MBNL1: variants seen among roughly 807,000 people sequenced by gnomAD.
MBNL1 encodes the protein muscleblind-like protein 1.
A neutral mutation model predicts 42.2 loss-of-function variants in MBNL1; 8 were observed. That is an observed-to-expected ratio of 0.19 (90% confidence interval 0.11 to 0.34). The LOEUF (loss-of-function observed/expected upper bound fraction) is 0.34. MBNL1 is among the 10% of genes least tolerant of loss of function. The pLI, the probability that MBNL1 is intolerant of heterozygous loss-of-function variation, is 1.00. For synonymous variants in MBNL1, 169 were observed against 173.9 expected (o/e 0.97, Z 0.22); for missense variants, 309 against 495.3 (o/e 0.62, Z 3.57).
chr3:152,383,302 G>C (rs1007722253), intron 2 of MBNL1, among the ~76,000 whole-genome samples: 1 of 152,004 alleles, frequency 6.6e-6, no homozygotes, highest in Non-Finnish European at 1.5e-5. Flanking sequence ...CTATATTTGA[G>C]TTTTGAGGAT....
intron 1 of MBNL1, among the ~76,000 whole-genome samples, chr3:152,290,764 A>G (rs1013155018): frequency 6.6e-6 from 1 of 152,116 alleles, no homozygotes; most frequent in Non-Finnish European, 1.5e-5. Context: ...AATAATACTC[A>G]TTTAAGTAAG....
At chr3:152,347,842 G>A (rs139090533) in intron 2 of MBNL1, among the ~76,000 whole-genome samples, 12 of 152,164 alleles carry the variant, frequency 7.9e-5, no homozygotes, top group African/African-American at 2.9e-4. Context: ...TATCTGAAAA[G>A]CAATATAAAT....
intron 2 of MBNL1, among the ~76,000 whole-genome samples, chr3:152,303,733 A>C (rs994573022): frequency 6.6e-6 from 1 of 152,176 alleles, no homozygotes; most frequent in Admixed American, 6.5e-5. Context: ...TACCCTCAAA[A>C]AAAAAGCTTT....
chr3:152,439,516 A>G (rs111754542), intron 4 of MBNL1, among the ~76,000 whole-genome samples: 185 of 152,330 alleles, frequency 1.2e-3, no homozygotes, highest in African/African-American at 3.4e-3. Context: ...AAAATTGCCA[A>G]GAAACCTTAA....
rs1454333677 is a variant in MBNL1 at position 152,293,568 on chromosome 3, T to C, written c.-789-5837T>C. On this transcript the variant is annotated intron_variant, in intron 1 of 9. Transcript: ENST00000324210. ...GTTTTGGGCAAGGGGTTCTTTCTTATCAACTCCAAACTTACAGGGTGAAGT... is the reference window on the plus strand; with the variant it reads ...GTTTTGGGCAAGGGGTTCTTTCTTACCAACTCCAAACTTACAGGGTGAAGT... Among the ~76,000 whole-genome samples the C allele has an allele frequency of 2.0e-5, 3 of 152,342 alleles. No homozygotes were observed. The East Asian group carries it at 5.8e-4, about 29-fold the overall frequency.
At chr3:152,357,876 C>T (rs1182800228) in intron 2 of MBNL1, among the ~76,000 whole-genome samples, 3 of 152,116 alleles carry the variant, frequency 2.0e-5, no homozygotes, top group Non-Finnish European at 4.4e-5. Context: ...GCATCATCAG[C>T]TTATCAGGAC....
At chr3:152,269,418 G>A (rs1351600580) in intron 1 of MBNL1, 1 of 419,090 alleles carries the variant, frequency 2.4e-6, no homozygotes, top group African/African-American at 2.1e-5. Context: ...GTGCGTGCAA[G>A]TGTACTCACA....
At chr3:152,357,234 CA>C (rs1408455358) in intron 2 of MBNL1, among the ~76,000 whole-genome samples, 4 of 152,128 alleles carry the variant, frequency 2.6e-5, no homozygotes, top group Non-Finnish European at 4.4e-5. Context: ...AATAGTGACA[CA>C]AGGACGGAGG....
At chr3:152,317,360 C>T (rs1319181652) in intron 2 of MBNL1, among the ~76,000 whole-genome samples, 1 of 152,104 alleles carries the variant, frequency 6.6e-6, no homozygotes, top group Non-Finnish European at 1.5e-5. Context: ...CTCACTGTCA[C>T]TCAGGCTGGA....
At chr3:152,283,236 T>C (rs2049548201) in intron 1 of MBNL1, among the ~76,000 whole-genome samples, 1 of 152,228 alleles carries the variant, frequency 6.6e-6, no homozygotes, top group African/African-American at 2.4e-5. Flanking sequence ...GGGGAAATTA[T>C]AAATTACCTT....
At chr3:152,247,230 G>A (rs1193513146) in intron 2 of MBNL1, among the ~76,000 whole-genome samples, 1 of 151,772 alleles carries the variant, frequency 6.6e-6, no homozygotes, top group Admixed American at 6.6e-5. Flanking sequence ...AGATAATGTG[G>A]GTCTTTCAGC....
At position 152,345,154 on chromosome 3, in the gene MBNL1, A is replaced by C. The variant is rs1057149747; in HGVS notation, c.174+44787A>C. Among the ~76,000 whole-genome samples, 4 of 152,064 alleles carry C rather than the reference A, an allele frequency of 2.6e-5. No homozygotes were observed. In the East Asian group the frequency reaches 7.7e-4, roughly 29 times the overall value. ...TTGGCAATTCACTGTGGGAGTTTTA[A>C]TTAGGTAGTATGTTTGGGTTACTAT... On this transcript the variant is annotated intron_variant, in intron 2 of 9. Transcript: ENST00000324210.
At chr3:152,387,993 G>A (rs952900386) in intron 2 of MBNL1, among the ~76,000 whole-genome samples, 3 of 152,140 alleles carry the variant, frequency 2.0e-5, no homozygotes, top group African/African-American at 4.8e-5. Context: ...AAGATTAGAT[G>A]GCCTACAGCT....
At chr3:152,283,208 G>A (rs769766208) in intron 1 of MBNL1, among the ~76,000 whole-genome samples, 3 of 152,146 alleles carry the variant, frequency 2.0e-5, no homozygotes, top group Non-Finnish European at 4.4e-5. Context: ...GTTTATTGGG[G>A]AATGAGCTTT....
At chr3:152,335,278 G>A (rs1413174747) in intron 2 of MBNL1, 2 of 1,289,470 alleles carry the variant, frequency 1.6e-6, no homozygotes, top group Non-Finnish European at 2.0e-6. Context: ...GATACCATTT[G>A]GGTAGGCCTG....
chr3:152,342,741 A>G (rs1481198084), intron 2 of MBNL1, among the ~76,000 whole-genome samples: 3 of 152,140 alleles, frequency 2.0e-5, no homozygotes, highest in Non-Finnish European at 2.9e-5. Context: ...GCTTAGGGCA[A>G]ACTTTCAAAT....
chr3:152,371,885 T>C (rs2096678560), intron 2 of MBNL1, among the ~76,000 whole-genome samples: 1 of 152,226 alleles, frequency 6.6e-6, no homozygotes, highest in Non-Finnish European at 1.5e-5. Context: ...GATAATATCC[T>C]GAAGAGTGTT....
Position 152,300,094 on chromosome 3 carries a change from C to T in MBNL1, c.-100C>T, listed in dbSNP as rs767870615. On this transcript the variant is annotated 5_prime_UTR_variant, in exon 2 of 10. Transcript: ENST00000324210. ...GAAAAGTATTTTGAGGGGACATTTT[C>T]ATCATCAGTTCAGCTTTTTTTTTTT... The T allele has an allele frequency of 9.4e-5, 65 of 690,804 alleles. 1 individual carries two copies. Among genetic ancestry groups the T allele is most frequent in the Non-Finnish European group, 1.4e-4 (60 of 418,228 alleles). The allele number at this position is 690,804 out of a possible 1,614,324, so 42.8% of individuals were successfully genotyped here.
chr3:152,416,259 G>A (rs1416810118), intron 3 of MBNL1, among the ~76,000 whole-genome samples: 9 of 152,140 alleles, frequency 5.9e-5, no homozygotes, highest in Non-Finnish European at 1.3e-4. Context: ...CCAGTTATCA[G>A]TTCTATACAG....
Sources: allele counts gnomAD v4.1 joint callset (sites outside exome capture counted in the v4.1 genomes callset), GRCh38; gene constraint gnomAD v4.1.1; transcripts MANE v1.5; gene names NCBI Gene and HGNC (gene_info 2026-07-23, HGNC 2026-07-21).